ZNF385D: variants seen among roughly 807,000 people sequenced by gnomAD.
The protein encoded by ZNF385D is zinc finger protein 385D, also known as zinc finger protein 659.
In ZNF385D, 15 loss-of-function variants were observed where a neutral mutation model predicts 35.8. The observed-to-expected ratio is 0.42, with a 90% CI of 0.28 to 0.64. The LOEUF is 0.64. Among genes scored for constraint, ZNF385D ranks in the 30% least tolerant of loss-of-function variants. The pLI is 0.23. For synonymous variants in ZNF385D, 212 were observed against 186.8 expected (o/e 1.13, Z -1.10); for missense variants, 474 against 494.6 (o/e 0.96, Z 0.39).
intron 3 of ZNF385D, among the ~76,000 whole-genome samples, chr3:21,787,784 A>T: frequency 6.6e-6 from 1 of 152,080 alleles, no homozygotes; most frequent in East Asian, 1.9e-4. Context: ...TCAGAGAGGC[A>T]ATGTTAGGGG....
chr3:21,493,132 C>T (rs2125411580), intron 4 of ZNF385D, among the ~76,000 whole-genome samples: 1 of 152,154 alleles, frequency 6.6e-6, no homozygotes, highest in East Asian at 1.9e-4. Flanking sequence ...TGAGTACTTC[C>T]TCCTGACTAG....
In ZNF385D at chr3:22,024,185, T is replaced by C. The variant is rs560062344; in HGVS notation, c.325+144632A>G. Among the ~76,000 whole-genome samples, 21 of 152,246 alleles carry C rather than the reference T, an allele frequency of 1.4e-4. No homozygotes were observed. The South Asian group carries it at 3.5e-3, about 26-fold the overall frequency. On this transcript the variant is annotated intron_variant, in intron 3 of 5. Coordinates refer to the ZNF385D transcript ENST00000494108. ...CTCCCATTCTGGATGCTTCCTGCCCTAGAACATCAGACTCTAAGTTCTTCA... is the reference window on the plus strand; with the variant it reads ...CTCCCATTCTGGATGCTTCCTGCCCCAGAACATCAGACTCTAAGTTCTTCA...
chr3:21,618,275 C>CGATGGTCTGTGA (rs60481767), intron 2 of ZNF385D, among the ~76,000 whole-genome samples: 2 of 151,556 alleles, frequency 1.3e-5, no homozygotes, highest in Non-Finnish European at 2.9e-5. Flanking sequence ...GACAGACACA[C>CGATGGTCTGTGA]AGAAAAGATG....
At chr3:21,717,197 C>G (rs1322309799) in intron 1 of ZNF385D, among the ~76,000 whole-genome samples, 1 of 152,182 alleles carries the variant, frequency 6.6e-6, no homozygotes, top group East Asian at 1.9e-4. Context: ...ATGGTTACTT[C>G]TGAGTAGGCA....
chr3:21,620,998 GCACA>G (rs112953905), intron 2 of ZNF385D, among the ~76,000 whole-genome samples: 8 of 150,678 alleles, frequency 5.3e-5, no homozygotes, highest in East Asian at 2.0e-4. Flanking sequence ...GTGTGTGTGC[GCACA>G]CACACACACA....
chr3:22,342,964 G>C (rs1428559377), intron 2 of ZNF385D, among the ~76,000 whole-genome samples: 1 of 152,162 alleles, frequency 6.6e-6, no homozygotes, highest in Non-Finnish European at 1.5e-5. Flanking sequence ...AACATGACCA[G>C]TCCAAATTGA....
chr3:21,684,979 T>C (rs1286706819), intron 1 of ZNF385D, among the ~76,000 whole-genome samples: 1 of 152,188 alleles, frequency 6.6e-6, no homozygotes, highest in Non-Finnish European at 1.5e-5. Context: ...AAGCTAATGC[T>C]TTAGAGCAGT....
chr3:21,508,073 TTTCCTAATGTCCATCGC>T (rs1706918716), intron 4 of ZNF385D, among the ~76,000 whole-genome samples: 1 of 152,052 alleles, frequency 6.6e-6, no homozygotes, highest in Non-Finnish European at 1.5e-5. Context: ...AAGCAATGTC[TTTCCTAATGTCCATCGC>T]TTCCTTCTTT....
intron 3 of ZNF385D, among the ~76,000 whole-genome samples, chr3:22,157,992 G>A (rs553115699): frequency 1.3e-5 from 2 of 152,170 alleles, no homozygotes; most frequent in South Asian, 4.1e-4. Context: ...TTAAATTAGT[G>A]AGTAAGCAAA....
At chr3:22,328,798 G>A (rs1331982249) in intron 2 of ZNF385D, among the ~76,000 whole-genome samples, 2 of 151,304 alleles carry the variant, frequency 1.3e-5, no homozygotes, top group Admixed American at 6.6e-5. Context: ...TTTATTGGCC[G>A]GGCGCGGTGG....
At chr3:21,969,954 T>C (rs1450841443) in intron 3 of ZNF385D, among the ~76,000 whole-genome samples, 2 of 152,116 alleles carry the variant, frequency 1.3e-5, no homozygotes, top group Non-Finnish European at 2.9e-5. Flanking sequence ...ACCCAAGACC[T>C]CCAATCCAGT....
intron 3 of ZNF385D, among the ~76,000 whole-genome samples, chr3:21,854,447 T>C (rs1467363541): frequency 6.6e-6 from 1 of 151,934 alleles, no homozygotes; most frequent in Non-Finnish European, 1.5e-5. Context: ...CGGATTAGCT[T>C]CATGGGCACG....
At chr3:22,235,783 C>G (rs1699144938) in intron 2 of ZNF385D, among the ~76,000 whole-genome samples, 1 of 152,046 alleles carries the variant, frequency 6.6e-6, no homozygotes, top group African/African-American at 2.4e-5. Context: ...CAGGAAAAAA[C>G]AAATTCTCAC....
chr3:21,515,221 A>T (rs1284049547), intron 3 of ZNF385D, among the ~76,000 whole-genome samples: 3 of 152,198 alleles, frequency 2.0e-5, no homozygotes, highest in South Asian at 2.1e-4. Flanking sequence ...TAAATAAGAA[A>T]CTTCTCTATA....
chr3:22,308,193 AATT>A (rs1181731112), intron 2 of ZNF385D, among the ~76,000 whole-genome samples: 5 of 152,124 alleles, frequency 3.3e-5, no homozygotes, highest in African/African-American at 1.2e-4. Flanking sequence ...ATGCTGAAAC[AATT>A]ATTATGTTAG....
At chr3:22,242,846 C>G (rs1699572073) in intron 2 of ZNF385D, among the ~76,000 whole-genome samples, 1 of 150,172 alleles carries the variant, frequency 6.7e-6, no homozygotes, top group Non-Finnish European at 1.5e-5. Context: ...TTTACAGAAA[C>G]TAATGTTTCT....
At chr3:21,530,659 AGTTTTTTTTCGTTGAT>A (rs2061900155) in intron 3 of ZNF385D, among the ~76,000 whole-genome samples, 1 of 152,104 alleles carries the variant, frequency 6.6e-6, no homozygotes, top group Non-Finnish European at 1.5e-5. Context: ...TGATCAAACA[AGTTTTTTTTCGTTGAT>A]GTGTCATTCT....
chr3:21,440,635 A>G (rs963823221), intron 4 of ZNF385D, among the ~76,000 whole-genome samples: 1 of 152,186 alleles, frequency 6.6e-6, no homozygotes, highest in African/African-American at 2.4e-5. Context: ...AATGTACAAC[A>G]TTAATGTGAG....
At chr3:22,142,595 G>T (rs189860005) in intron 3 of ZNF385D, among the ~76,000 whole-genome samples, 3 of 151,820 alleles carry the variant, frequency 2.0e-5, no homozygotes, top group Admixed American at 2.0e-4. Flanking sequence ...TCTCCAACCC[G>T]AGAAACATAT....
Sources: allele counts gnomAD v4.1 joint callset (sites outside exome capture counted in the v4.1 genomes callset), GRCh38; gene constraint gnomAD v4.1.1; transcripts MANE v1.5; gene names NCBI Gene and HGNC (gene_info 2026-07-23, HGNC 2026-07-21).